Variants in ZFAND5 observed in about 807,000 individuals in gnomAD.
ZFAND5 encodes the protein zinc finger AN1-type containing 5, also known as AN1-type zinc finger protein 5.
Under a neutral mutation model 23.6 loss-of-function variants are expected in ZFAND5, and 4 were observed. The ratio of observed to expected loss-of-function variants is 0.17; its 90% CI spans 0.08 to 0.39. The LOEUF is 0.39. ZFAND5 is among the 10% of genes least tolerant of loss of function. ZFAND5 has a pLI of 1.00. For missense variants in ZFAND5, 161 were observed against 253.7 expected (o/e 0.63, Z 2.48); for synonymous variants, 68 against 80.6 (o/e 0.84, Z 0.84).
At chr9:72,363,726 C>T (rs1330500043) in intron 1 of ZFAND5, 120 bp from the exon 2 acceptor site, 3 of 795,126 alleles carry the variant, frequency 3.8e-6, no homozygotes, top group East Asian at 2.5e-4. Flanking sequence ...CAACTGAGTT[C>T]TGAAAGCCTA....
In ZFAND5 at chr9:72,351,474, G is replaced by C. The variant is rs566421130; in HGVS notation, c.*4479C>G. 1.3e-5 allele frequency: 2 copies of C among 151,980 alleles called. No individual in the cohort carries two copies. The highest frequency in any genetic ancestry group is 2.9e-5 in the Non-Finnish European group (2 of 68,004). 9.4% of individuals were successfully genotyped at this position (151,980 alleles called of 1,614,324 possible). The stretch of plus-strand genomic sequence containing the variant: ...TAACTTTACTTCTATGGCTGTAACA[G>C]AAATACTCTGGAAGAAAACACAGAA... On this transcript the variant is annotated 3_prime_UTR_variant, in exon 7 of 7. Transcript: ENST00000376962.
Position 72,357,018 on chromosome 9 carries a change from T to C in ZFAND5, c.406A>G (p.Thr136Ala). ...QPSPSVSQPSTSQSEEKAPEL... is the reference protein window; with the variant it reads ...QPSPSVSQPSASQSEEKAPEL... The stretch of plus-strand genomic sequence containing the variant: ...GGAGCTTTTTCTTCACTCTGAGAAG[T>C]ACTGGGCTGAGAAACTGATGGACTG... Residue 136 changes from threonine (T) to alanine (A), a missense_variant, in exon 6 of 7, where the codon ACT (threonine) becomes GCT (alanine). By Grantham distance (58) the Thr-to-Ala change is moderately conservative (BLOSUM62 0). Around this residue, in one of 3 missense-constraint regions of ZFAND5, gnomAD observed 116 missense variants for 115.2 expected, o/e 1.01. Coordinates refer to ENST00000376962, the MANE Select transcript of ZFAND5 (RefSeq NM_001102420.3). The C allele has an allele frequency of 6.2e-7, 1 of 1,613,752 alleles. No individual in the cohort carries two copies. Among genetic ancestry groups the C allele is most frequent in the South Asian group, 1.1e-5 (1 of 91,066 alleles).
At chr9:72,356,804 T>G (rs1841955381) in intron 6 of ZFAND5, 127 bp downstream of exon 6, 3 of 1,214,026 alleles carry the variant, frequency 2.5e-6, no homozygotes, top group Non-Finnish European at 3.3e-6. Context: ...CCACCTTTCC[T>G]AGACTACAGC....
At chr9:72,364,445 G>A (rs913109074) in intron 1 of ZFAND5, 22 of 1,270,398 alleles carry the variant, frequency 1.7e-5, no homozygotes, top group East Asian at 1.5e-4. Context: ...GCGGCACGCC[G>A]TGCATTGTTT....
intron 1 of ZFAND5, 134 bp from the exon 2 acceptor site, chr9:72,363,740 T>C (rs764870291): frequency 1.3e-5 from 9 of 711,816 alleles, no homozygotes; most frequent in Non-Finnish European, 1.6e-5. Flanking sequence ...AAGCCTACTC[T>C]TTAAAAAAAA....
At chr9:72,361,382 G>A (rs1842095692) in intron 2 of ZFAND5, among the ~76,000 whole-genome samples, 1 of 152,116 alleles carries the variant, frequency 6.6e-6, no homozygotes, top group African/African-American at 2.4e-5. Flanking sequence ...GCACCAACAA[G>A]TAAATCTCTA....
intron 4 of ZFAND5, 134 bp downstream of exon 4, chr9:72,359,974 AAG>A: frequency 1.5e-6 from 1 of 656,024 alleles, no homozygotes; most frequent in Non-Finnish European, 2.6e-6. Flanking sequence ...TCAATGACTT[AAG>A]AGTCATGTAT....
rs927258524 is a variant in ZFAND5, at chr9:72,353,612, T to C, written c.*2341A>G. The C allele has an allele frequency of 3.9e-5, 6 of 152,170 alleles. No homozygotes were observed. Among genetic ancestry groups the C allele is most frequent in the African/African-American group, 1.4e-4 (6 of 41,386 alleles). The allele number at this position is 152,170 out of a possible 1,614,324, so 9.4% of individuals were successfully genotyped here. ...TCACTTGAACCCAGGAGGCAGAGGT[T>C]GCAGTGAGCCAAGATTACGCCATTG... On this transcript the variant is annotated 3_prime_UTR_variant, in exon 7 of 7. Transcript: ENST00000376962.
In ZFAND5 at chr9:72,359,438, T is replaced by G. The variant is rs1387433714; in HGVS notation, c.347A>C (p.Lys116Thr). The part of the protein sequence containing the change: ...ISREDKITTP[K>T]TEVSEPVVTQ... ...CATACCTGGCTCTGACACCTCTGTTTTCGGGGTAGTTATTTTGTCCTCTCT... is the reference window on the plus strand; with the variant it reads ...CATACCTGGCTCTGACACCTCTGTTGTCGGGGTAGTTATTTTGTCCTCTCT... Residue 116 changes from lysine (K) to threonine (T), a missense_variant, in exon 5 of 7, where the codon AAA (lysine) becomes ACA (threonine). Transcript: ENST00000376962. 5.6e-6 allele frequency: 9 copies of G among 1,613,266 alleles called. No individual in the cohort carries two copies. The highest frequency in any genetic ancestry group is 7.6e-6 in the Non-Finnish European group (9 of 1,179,638).
At chr9:72,359,364 C>T in intron 5 of ZFAND5, 54 bp downstream of exon 5, 1 of 1,558,126 alleles carries the variant, frequency 6.4e-7, no homozygotes, top group Admixed American at 1.8e-5. Flanking sequence ...CCCCACCAGC[C>T]ATTTCTTGCA....
chr9:72,358,965 G>A (rs1397921053), intron 5 of ZFAND5, among the ~76,000 whole-genome samples: 1 of 81,754 alleles, frequency 1.2e-5, no homozygotes, highest in Non-Finnish European at 2.5e-5. Flanking sequence ...TTTCCACACT[G>A]AGTTTCAAAC....
chr9:72,364,717 A>G lies in ZFAND5; in HGVS notation c.-168T>C. ...TCACCCTGCAGGGTCCCAAATGCGA[A>G]AGCCGGGTTCGCGCGCGAAGCCGGC... is the stretch of plus-strand genomic sequence containing the variant. On this transcript the variant is annotated 5_prime_UTR_variant, in exon 1 of 7. Transcript: ENST00000376962. The G allele has an allele frequency of 2.5e-6, 2 of 791,294 alleles. No individual in the cohort carries two copies. Among genetic ancestry groups the G allele is most frequent in the Admixed American group, 6.1e-5 (1 of 16,350 alleles). The allele number at this position is 791,294 out of a possible 1,614,324, so 49.0% of individuals were successfully genotyped here. A position where few individuals can be genotyped will look rare whatever the true frequency, so the allele number is the denominator to read the frequency against.
Position 72,359,492 on chromosome 9 carries a change from G to T in ZFAND5, c.293C>A (p.Thr98Asn). The T allele has an allele frequency of 6.2e-7, 1 of 1,613,636 alleles. No individual in the cohort carries two copies. Among genetic ancestry groups the T allele is most frequent in the Non-Finnish European group, 8.5e-7 (1 of 1,179,680 alleles). ...RNVPVAALPV[T>N]QQMTEMSISR... The stretch of plus-strand genomic sequence containing the variant: ...AATGCTCATTTCTGTCATTTGCTGA[G>T]TTACAGGCAAGGCAGCCACAGGCAC... The change falls in exon 5 of 7, where the codon ACT becomes AAT. Residue 98 changes from threonine (T) to asparagine (N), a missense_variant. Thr to Asn is a moderately conservative substitution (Grantham distance 65). Transcript: ENST00000376962.
rs1034001788 is a variant in ZFAND5, at chr9:72,365,178, T to G, written c.-629A>C. 1 of 152,134 alleles carries G rather than the reference T, an allele frequency of 6.6e-6. No individual in the cohort carries two copies. The highest frequency in any genetic ancestry group is 2.4e-5 in the African/African-American group (1 of 41,434). 9.4% of individuals were successfully genotyped at this position (152,134 alleles called of 1,614,324 possible). A position where few individuals can be genotyped will look rare whatever the true frequency, so the allele number is the denominator to read the frequency against. On this transcript the variant is annotated 5_prime_UTR_variant, in exon 1 of 7. Transcript: ENST00000376962. ...GGAGCGAGCGAGCCCGCGTAGGAGA[T>G]GCACACAGCTCCGCGTCCCGGCCGA...
intron 3 of ZFAND5, 116 bp from the exon 4 acceptor site, chr9:72,360,337 T>A: frequency 2.1e-6 from 2 of 944,754 alleles, no homozygotes; most frequent in Non-Finnish European, 3.3e-6. Context: ...GCATTCACTG[T>A]GCTGTAATCC....
chr9:72,364,482 G>A (rs1842204450), intron 1 of ZFAND5: 2 of 1,280,760 alleles, frequency 1.6e-6, no homozygotes, highest in Non-Finnish European at 1.0e-6. Context: ...AGCGAGCCAG[G>A]GACGCCGGGA....
In ZFAND5 at chr9:72,357,014, G is replaced by A. The variant is rs1243095540; in HGVS notation, c.410C>T (p.Ser137Phe). 6.2e-7 allele frequency: 1 copy of A among 1,613,730 alleles called. No homozygotes were observed. The highest frequency in any genetic ancestry group is 1.1e-5 in the South Asian group (1 of 91,072). The stretch of plus-strand genomic sequence containing the variant: ...TTCAGGAGCTTTTTCTTCACTCTGA[G>A]AAGTACTGGGCTGAGAAACTGATGG... ...PSPSVSQPST[S>F]QSEEKAPELP... Residue 137 changes from serine to phenylalanine, a missense_variant, in exon 6 of 7, where the codon TCT becomes TTT. Ser to Phe is a radical substitution (Grantham distance 155). Coordinates refer to ENST00000376962, the MANE Select transcript of ZFAND5 (RefSeq NM_001102420.3).
intron 6 of ZFAND5, among the ~76,000 whole-genome samples, chr9:72,356,524 A>T (rs1157019052): frequency 6.6e-6 from 1 of 152,208 alleles, no homozygotes; most frequent in Non-Finnish European, 1.5e-5. Context: ...TTCAAAACAC[A>T]GTCCTACCAT....
At chr9:72,357,586 A>T (rs992681012) in intron 5 of ZFAND5, among the ~76,000 whole-genome samples, 6 of 152,178 alleles carry the variant, frequency 3.9e-5, no homozygotes. Context: ...AGATCCAAAA[A>T]TTCCAAAACA....
Sources: gnomAD v4.1 joint callset for allele counts (sites outside exome capture counted in the v4.1 genomes callset) on GRCh38, gnomAD v4.1.1 for gene constraint, gnomAD v4.1.1 regional missense constraint, MANE v1.5 for transcripts, NCBI Gene and HGNC (gene_info 2026-07-23, HGNC 2026-07-21) for gene names.